LSAMP: variants seen among roughly 807,000 people sequenced by gnomAD.
LSAMP encodes limbic system-associated membrane protein.
LSAMP carries 7 observed loss-of-function variants against 38.6 expected under a neutral mutation model. The observed-to-expected ratio is 0.18, with a 90% CI of 0.10 to 0.34. The LOEUF (loss-of-function observed/expected upper bound fraction) is 0.34, where lower values mean the gene tolerates loss of function less well. LSAMP is among the 10% of genes least tolerant of loss of function. The pLI is 1.00. For synonymous variants in LSAMP, 154 were observed against 166.8 expected (o/e 0.92, Z 0.59); for missense variants, 313 against 420.0 (o/e 0.75, Z 2.23).
chr3:115,933,525 G>C (rs1937615030), intron 3 of LSAMP, among the ~76,000 whole-genome samples: 1 of 152,094 alleles, frequency 6.6e-6, no homozygotes, highest in Non-Finnish European at 1.5e-5. Context: ...AGTTCTATTG[G>C]CCATGTTGAA....
At chr3:116,344,233 C>T (rs1201606890) in intron 1 of LSAMP, among the ~76,000 whole-genome samples, 5 of 152,024 alleles carry the variant, frequency 3.3e-5, no homozygotes. Flanking sequence ...CCCAACTCTG[C>T]TGTGATTACA....
At chr3:115,877,621 A>G (rs1264792978) in intron 3 of LSAMP, among the ~76,000 whole-genome samples, 1 of 152,078 alleles carries the variant, frequency 6.6e-6, no homozygotes, top group Non-Finnish European at 1.5e-5. Flanking sequence ...TCCCTTCCCT[A>G]CTAGAAGCAG....
At chr3:115,863,873 T>C (rs1432529820) in intron 3 of LSAMP, among the ~76,000 whole-genome samples, 1 of 152,208 alleles carries the variant, frequency 6.6e-6, no homozygotes, top group African/African-American at 2.4e-5. Flanking sequence ...ACGATTTTTC[T>C]ATTTCTGGCA....
At chr3:116,005,774 A>G (rs577145551) in intron 3 of LSAMP, among the ~76,000 whole-genome samples, 3 of 152,290 alleles carry the variant, frequency 2.0e-5, no homozygotes, top group South Asian at 2.1e-4. Flanking sequence ...GAATAACCCA[A>G]TGGGGGTGTT....
At chr3:115,934,019 GAA>G (rs936541037) in intron 3 of LSAMP, among the ~76,000 whole-genome samples, 1 of 152,144 alleles carries the variant, frequency 6.6e-6, no homozygotes, top group African/African-American at 2.4e-5. Flanking sequence ...CACTGATAAA[GAA>G]AAGTTTTTGC....
intron 3 of LSAMP, among the ~76,000 whole-genome samples, chr3:115,921,049 A>G (rs1232541218): frequency 6.6e-6 from 1 of 152,100 alleles, no homozygotes; most frequent in Non-Finnish European, 1.5e-5. Context: ...TTTTCATGGA[A>G]TATCTTTTTC....
At position 115,882,833 on chromosome 3, in the gene LSAMP, G is replaced by T. The variant is rs191876570; in HGVS notation, c.515-30216C>A. ...CCTGTTTTTATGGTTGTAACAAGCT[G>T]GCTCCAATTCCTCCATCCAGCCAAG... On this transcript the variant is annotated intron_variant, in intron 3 of 6. Coordinates refer to ENST00000490035, the MANE Select transcript of LSAMP (RefSeq NM_002338.5). 2.2e-3 allele frequency among the ~76,000 whole-genome samples: 333 copies of T among 151,996 alleles called. 2 individuals are homozygous for T. The highest frequency in any genetic ancestry group is 3.6e-3 in the Non-Finnish European group (247 of 67,948).
chr3:115,875,168 C>G (rs906206021), intron 3 of LSAMP, among the ~76,000 whole-genome samples: 8 of 152,076 alleles, frequency 5.3e-5, no homozygotes. Flanking sequence ...GGTCCTTACC[C>G]AAATATTTTC....
chr3:116,132,009 G>C (rs1171385969), intron 1 of LSAMP, among the ~76,000 whole-genome samples: 1 of 151,744 alleles, frequency 6.6e-6, no homozygotes, highest in Admixed American at 6.6e-5. Context: ...TGTATTTTTA[G>C]TAGAGACGGG....
In LSAMP at chr3:115,969,036, G is replaced by C. The variant is rs150480390; in HGVS notation, c.514+50479C>G. Among the ~76,000 whole-genome samples the C allele has an allele frequency of 2.6e-5, 4 of 152,282 alleles. No individual in the cohort carries two copies. In the East Asian group the frequency reaches 7.7e-4, roughly 29 times the overall value. ...GAGCTCACCTTCCCCTAAGCACACAGATTCTCTGACCCACACAACCACTGT... is the reference window on the plus strand; with the variant it reads ...GAGCTCACCTTCCCCTAAGCACACACATTCTCTGACCCACACAACCACTGT... On this transcript the variant is annotated intron_variant, in intron 3 of 6. Transcript: ENST00000490035.
At chr3:115,923,177 A>C (rs1248336266) in intron 3 of LSAMP, among the ~76,000 whole-genome samples, 1 of 152,182 alleles carries the variant, frequency 6.6e-6, no homozygotes, top group Non-Finnish European at 1.5e-5. Flanking sequence ...CAGTTCTGTT[A>C]ACACTCTAGG....
chr3:116,237,096 T>A (rs2046474237), intron 1 of LSAMP, among the ~76,000 whole-genome samples: 3 of 152,176 alleles, frequency 2.0e-5, no homozygotes, highest in South Asian at 4.2e-4. Context: ...ATCAAAAATA[T>A]GCCTATATGA....
intron 3 of LSAMP, among the ~76,000 whole-genome samples, chr3:115,943,836 C>G (rs1375782334): frequency 6.6e-6 from 1 of 152,182 alleles, no homozygotes. Flanking sequence ...CCAAAAACAC[C>G]TGAACCAGTC....
intron 2 of LSAMP, among the ~76,000 whole-genome samples, chr3:116,058,785 A>C (rs1295472277): frequency 6.6e-6 from 1 of 152,210 alleles, no homozygotes; most frequent in Non-Finnish European, 1.5e-5. Flanking sequence ...AACCCTATTT[A>C]TATCATTGGG....
intron 1 of LSAMP, among the ~76,000 whole-genome samples, chr3:116,259,893 G>C (rs528941333): frequency 6.6e-6 from 1 of 152,108 alleles, no homozygotes; most frequent in Non-Finnish European, 1.5e-5. Flanking sequence ...CAGCATCACA[G>C]CTTGCTTTCT....
At chr3:116,212,867 G>A (rs1030974060) in intron 1 of LSAMP, among the ~76,000 whole-genome samples, 2 of 152,208 alleles carry the variant, frequency 1.3e-5, no homozygotes, top group East Asian at 3.9e-4. Flanking sequence ...CAGGGAATCT[G>A]ATTTATTTGT....
rs201317016 is a variant in LSAMP, at chr3:116,359,213, T to TTTAA, written c.155+85660_155+85663dup. Among the ~76,000 whole-genome samples the TTTAA allele has an allele frequency of 4.3e-3, 656 of 152,354 alleles. 6 individuals are homozygous for TTTAA. The highest frequency in any genetic ancestry group is 0.015 in the African/African-American group (622 of 41,578). ...ATTTGTACTATGTGTATAATATATT[T>TTTAA]TTAATTAATCAGTCCATCAATCAAT... On this transcript the variant is annotated intron_variant, in intron 1 of 6. Transcript: ENST00000490035.
At chr3:116,186,459 G>T (rs1710621014) in intron 1 of LSAMP, among the ~76,000 whole-genome samples, 1 of 151,930 alleles carries the variant, frequency 6.6e-6, no homozygotes, top group African/African-American at 2.4e-5. Context: ...GTGTAGAATT[G>T]GTAGAAGCCT....
chr3:115,997,126 G>A (rs1394278304), intron 3 of LSAMP, among the ~76,000 whole-genome samples: 1 of 152,092 alleles, frequency 6.6e-6, no homozygotes, highest in Middle Eastern at 3.2e-3. Flanking sequence ...CTGAGATTGT[G>A]TTTCAATACA....
Sources: gnomAD v4.1 joint callset for allele counts (sites outside exome capture counted in the v4.1 genomes callset) on GRCh38, gnomAD v4.1.1 for gene constraint, MANE v1.5 for transcripts, NCBI Gene and HGNC (gene_info 2026-07-23, HGNC 2026-07-21) for gene names.